Variants in DUSP14 observed in about 807,000 individuals in gnomAD.
The protein encoded by DUSP14 is dual specificity phosphatase 14.
A neutral mutation model predicts 13.2 loss-of-function variants in DUSP14; 5 were observed. The observed-to-expected ratio is 0.38, with a 90% CI of 0.20 to 0.80. DUSP14 has a LOEUF of 0.80. Among genes scored for constraint, DUSP14 ranks in the 30% least tolerant of loss-of-function variants. The pLI is 0.44. For synonymous variants in DUSP14, 91 were observed against 103.4 expected (o/e 0.88, Z 0.73); for missense variants, 185 against 264.0 (o/e 0.70, Z 2.07).
intron 1 of DUSP14, among the ~76,000 whole-genome samples, chr17:37,508,034 C>G (rs1020139145): frequency 6.6e-6 from 1 of 152,218 alleles, no homozygotes; most frequent in African/African-American, 2.4e-5. Flanking sequence ...GTCCTTGTTC[C>G]TCCTCATGCT....
At chr17:37,490,391 A>G (rs1470589455) in intron 1 of DUSP14, among the ~76,000 whole-genome samples, 1 of 152,188 alleles carries the variant, frequency 6.6e-6, no homozygotes, top group Non-Finnish European at 1.5e-5. Context: ...TTTCTGGTGC[A>G]TGGATAGAAG....
chr17:37,511,938 C>CGTTTTTTTTTTTTTTTTT (rs1568206074), intron 2 of DUSP14, among the ~76,000 whole-genome samples: 12 of 38,250 alleles, frequency 3.1e-4, no homozygotes, highest in Admixed American at 1.9e-3. Context: ...CCCCACCCCA[C>CGTTTTTTTTTTTTTTTTT]TTTTTTTTTT....
At chr17:37,511,585 C>CTTTT (rs533256343) in intron 2 of DUSP14, among the ~76,000 whole-genome samples, 2 of 87,312 alleles carry the variant, frequency 2.3e-5, no homozygotes, top group African/African-American at 5.2e-5. Context: ...CTGGCCTTTC[C>CTTTT]TTTTTTTTTT....
intron 1 of DUSP14, among the ~76,000 whole-genome samples, chr17:37,496,477 CG>C (rs2054065747): frequency 6.6e-6 from 1 of 150,864 alleles, no homozygotes; most frequent in Admixed American, 6.6e-5. Flanking sequence ...GGTGTTAGGC[CG>C]GGCACGGTAG....
chr17:37,502,985 C>T (rs112162446), intron 1 of DUSP14, among the ~76,000 whole-genome samples: 1 of 152,144 alleles, frequency 6.6e-6, no homozygotes, highest in Non-Finnish European at 1.5e-5. Context: ...GTCGTCCTGC[C>T]TCAGCCTCCC....
At chr17:37,497,078 C>T (rs762680851) in intron 1 of DUSP14, among the ~76,000 whole-genome samples, 27 of 152,084 alleles carry the variant, frequency 1.8e-4, no homozygotes, top group Non-Finnish European at 3.5e-4. Context: ...TCCCTTCCCA[C>T]TGAGACAACC....
intron 1 of DUSP14, among the ~76,000 whole-genome samples, chr17:37,496,614 A>T (rs1434705988): frequency 1.3e-5 from 2 of 152,100 alleles, no homozygotes; most frequent in Non-Finnish European, 2.9e-5. Context: ...ATTAGCCGGG[A>T]GTGGTCGTGG....
upstream of DUSP14, among the ~76,000 whole-genome samples, chr17:37,488,721 C>G (rs2054005557): frequency 6.6e-6 from 1 of 152,176 alleles, no homozygotes; most frequent in Non-Finnish European, 1.5e-5. Context: ...AAAATTATCA[C>G]TAACTTTTAG....
intron 1 of DUSP14, among the ~76,000 whole-genome samples, chr17:37,497,048 C>A: frequency 6.6e-6 from 1 of 152,008 alleles, no homozygotes; most frequent in South Asian, 2.1e-4. Flanking sequence ...CAAGTCAGAG[C>A]TTCCTTGGGC....
chr17:37,506,114 A>C (rs2054136140), intron 1 of DUSP14, among the ~76,000 whole-genome samples: 1 of 151,962 alleles, frequency 6.6e-6, no homozygotes, highest in Admixed American at 6.6e-5. Context: ...AAATACAAAA[A>C]ATTAGCTGGG....
chr17:37,508,273 G>A (rs527267514), intron 1 of DUSP14, among the ~76,000 whole-genome samples: 184 of 150,240 alleles, frequency 1.2e-3, no homozygotes, highest in Non-Finnish European at 2.1e-3. Context: ...GTTCTCAGAC[G>A]TGCCCCCGAC....
chr17:37,497,102 T>G (rs900617029), intron 1 of DUSP14, among the ~76,000 whole-genome samples: 1 of 151,988 alleles, frequency 6.6e-6, no homozygotes. Flanking sequence ...CCCATGAATT[T>G]GGTACATTTC....
At position 37,509,266 on chromosome 17, in the gene DUSP14, TA is replaced by T. The variant is rs2054164008; in HGVS notation, c.-180-1410del. Among the ~76,000 whole-genome samples the T allele has an allele frequency of 1.5e-3, 38 of 26,112 alleles. 2 individuals carry two copies. Among genetic ancestry groups the T allele is most frequent in the African/African-American group, 4.0e-3 (30 of 7,478 alleles). 17.1% of individuals were successfully genotyped at this position (26,112 alleles called of 152,430 possible). A position where few individuals can be genotyped will look rare whatever the true frequency, so the allele number is the denominator to read the frequency against. ...CACTATATATATATATATATATATA[TA>T]TATATATATATATATATATATATAT... On this transcript the variant is annotated intron_variant, in intron 1 of 2. Coordinates refer to ENST00000617516, the MANE Select transcript of DUSP14 (RefSeq NM_007026.4).
At position 37,504,255 on chromosome 17, in the gene DUSP14, C is replaced by T. The variant is rs181221952; in HGVS notation, c.-180-6422C>T. Among the ~76,000 whole-genome samples, 15 of 152,246 alleles carry T rather than the reference C, an allele frequency of 9.9e-5. No homozygotes were observed. The East Asian group carries it at 2.7e-3, about 27-fold the overall frequency. On this transcript the variant is annotated intron_variant, in intron 1 of 2. Transcript: ENST00000617516. ...CCTCAGCAAATGCAGTGTGAACAGG[C>T]GCTGGTCCATCTGCGGACATCGAGA...
At chr17:37,509,268 TATATATATATATATATATATATATATATA>T (rs1204613247) in intron 1 of DUSP14, among the ~76,000 whole-genome samples, 634 of 22,650 alleles carry the variant, frequency 0.028, 37 homozygotes, top group African/African-American at 0.075. Context: ...TATATATATA[TATATATATATATATATATATATATATATA>T]GTGTGTGTGT....
chr17:37,509,574 G>A (rs549881605), intron 1 of DUSP14, among the ~76,000 whole-genome samples: 17 of 151,626 alleles, frequency 1.1e-4, no homozygotes, highest in Non-Finnish European at 2.4e-4. Flanking sequence ...CACCCGCCTC[G>A]GCCTCCCAAA....
At chr17:37,511,937 A>AGTTTTTTTT (rs1329764853) in intron 2 of DUSP14, among the ~76,000 whole-genome samples, 7 of 16,438 alleles carry the variant, frequency 4.3e-4, no homozygotes, top group East Asian at 2.3e-3. Flanking sequence ...CCCCCACCCC[A>AGTTTTTTTT]CTTTTTTTTT....
chr17:37,489,681 G>C (rs1168240823), upstream of DUSP14: 1 of 151,962 alleles, frequency 6.6e-6, no homozygotes, highest in South Asian at 2.1e-4. Context: ...AGGGGAGGCT[G>C]CTGCCTCGGG....
intron 1 of DUSP14, among the ~76,000 whole-genome samples, chr17:37,504,280 ATGGC>A (rs1323522529): frequency 6.6e-6 from 1 of 152,194 alleles, no homozygotes; most frequent in Non-Finnish European, 1.5e-5. Flanking sequence ...GGACATCGAG[ATGGC>A]TGGCCTGGTC....
Sources: gnomAD v4.1 joint callset for allele counts (sites outside exome capture counted in the v4.1 genomes callset) on GRCh38, gnomAD v4.1.1 for gene constraint, MANE v1.5 for transcripts, NCBI Gene and HGNC (gene_info 2026-07-23, HGNC 2026-07-21) for gene names.